Variants in ASIC2 observed in about 807,000 individuals in gnomAD.
ASIC2 encodes the protein acid-sensing ion channel 2.
In ASIC2, 25 loss-of-function variants were observed where a neutral mutation model predicts 57.3. That is an observed-to-expected ratio of 0.44 (90% CI 0.32 to 0.61). The LOEUF (loss-of-function observed/expected upper bound fraction) is 0.61, where lower values mean the gene tolerates loss of function less well. Among genes scored for constraint, ASIC2 ranks in the 20% least tolerant of loss-of-function variants. ASIC2 has a pLI of 0.06. For missense variants in ASIC2, 641 were observed against 738.1 expected (o/e 0.87, Z 1.52); for synonymous variants, 319 against 307.5 (o/e 1.04, Z -0.39).
chr17:34,111,425 T>G (rs1024281002), intron 1 of ASIC2, among the ~76,000 whole-genome samples: 45 of 151,864 alleles, frequency 3.0e-4, no homozygotes, highest in African/African-American at 1.1e-3. Context: ...TAAATTGTCC[T>G]AACCCTTTTG....
At chr17:33,913,098 C>A (rs1010093068) in intron 1 of ASIC2, among the ~76,000 whole-genome samples, 1 of 151,700 alleles carries the variant, frequency 6.6e-6, no homozygotes. Context: ...CCCTCCCCCC[C>A]GCCAATTTCT....
At chr17:33,862,946 G>A (rs1914135918) in intron 1 of ASIC2, among the ~76,000 whole-genome samples, 1 of 152,054 alleles carries the variant, frequency 6.6e-6, no homozygotes, top group African/African-American at 2.4e-5. Context: ...GGGGAGGGAG[G>A]CTATCTCAGA....
intron 1 of ASIC2, among the ~76,000 whole-genome samples, chr17:33,553,607 G>A (rs1251191556): frequency 6.6e-6 from 1 of 152,076 alleles, no homozygotes; most frequent in African/African-American, 2.4e-5. Context: ...AAGTAGCTGA[G>A]ACTGCAGGCG....
chr17:33,327,801 T>C (rs143356488), intron 1 of ASIC2, among the ~76,000 whole-genome samples: 270 of 152,300 alleles, frequency 1.8e-3, no homozygotes, highest in Non-Finnish European at 3.0e-3. Flanking sequence ...GATTTGGAAA[T>C]AGGGCCGTTG....
At chr17:33,639,565 G>A (rs1389218057) in intron 1 of ASIC2, among the ~76,000 whole-genome samples, 1 of 152,044 alleles carries the variant, frequency 6.6e-6, no homozygotes, top group Non-Finnish European at 1.5e-5. Flanking sequence ...CTGCCCCGAG[G>A]AGCTGCCTCC....
At chr17:33,766,259 T>C (rs1216359230) in intron 1 of ASIC2, among the ~76,000 whole-genome samples, 2 of 152,256 alleles carry the variant, frequency 1.3e-5, no homozygotes, top group African/African-American at 2.4e-5. Context: ...TGAGTTAAAC[T>C]TTATCATAGG....
chr17:33,532,670 A>T (rs779725546), intron 1 of ASIC2, among the ~76,000 whole-genome samples: 1 of 152,214 alleles, frequency 6.6e-6, no homozygotes, highest in Admixed American at 6.5e-5. Context: ...CGTCACTGAC[A>T]TTGGTCCTCT....
intron 1 of ASIC2, among the ~76,000 whole-genome samples, chr17:34,025,610 A>G (rs567880334): frequency 6.6e-6 from 1 of 152,334 alleles, no homozygotes; most frequent in East Asian, 1.9e-4. Context: ...TTTGCATTAA[A>G]TTTTCCTTAT....
chr17:33,664,336 T>C (rs1258457995), intron 1 of ASIC2, among the ~76,000 whole-genome samples: 1 of 152,222 alleles, frequency 6.6e-6, no homozygotes, highest in African/African-American at 2.4e-5. Flanking sequence ...GTCTGTGCTT[T>C]CCTCTCAGCA....
chr17:33,759,958 A>G (rs1910730647), intron 1 of ASIC2, among the ~76,000 whole-genome samples: 1 of 152,138 alleles, frequency 6.6e-6, no homozygotes, highest in African/African-American at 2.4e-5. Flanking sequence ...CCATGGGAAC[A>G]CACTCTCACC....
chr17:34,032,822 A>C (rs1907676345), intron 1 of ASIC2, among the ~76,000 whole-genome samples: 1 of 152,260 alleles, frequency 6.6e-6, no homozygotes, highest in Non-Finnish European at 1.5e-5. Context: ...ACTATCCTAA[A>C]TATATATGCG....
At chr17:33,337,419 A>G (rs1307962312) in intron 1 of ASIC2, among the ~76,000 whole-genome samples, 2 of 64,154 alleles carry the variant, frequency 3.1e-5, no homozygotes, top group African/African-American at 1.2e-4. Flanking sequence ...TGACAGGATG[A>G]GGATTTTAAC....
At chr17:33,527,252 T>C (rs1567639862) in intron 1 of ASIC2, among the ~76,000 whole-genome samples, 1 of 152,166 alleles carries the variant, frequency 6.6e-6, no homozygotes, top group Admixed American at 6.5e-5. Context: ...ATTTCTTACC[T>C]GAGTCTTCAA....
chr17:33,120,990 C>T (rs8065414), intron 1 of ASIC2, among the ~76,000 whole-genome samples: 1,664 of 152,298 alleles, frequency 0.011, 26 homozygotes, highest in African/African-American at 0.038. Context: ...GGTTCTTGAA[C>T]GTGCATCTCA....
chr17:33,189,330 G>T (rs1252351756), intron 1 of ASIC2, among the ~76,000 whole-genome samples: 1 of 152,066 alleles, frequency 6.6e-6, no homozygotes, highest in African/African-American at 2.4e-5. Context: ...ATGGGACAAA[G>T]AAGTCAACAA....
chr17:33,765,091 TGATG>T (rs1469965061), intron 1 of ASIC2, among the ~76,000 whole-genome samples: 1 of 152,130 alleles, frequency 6.6e-6, no homozygotes, highest in Admixed American at 6.5e-5. Context: ...CAGTGGAACT[TGATG>T]GAGCATAATT....
intron 1 of ASIC2, among the ~76,000 whole-genome samples, chr17:34,137,502 G>A (rs886948114): frequency 2.6e-5 from 4 of 152,204 alleles, no homozygotes; most frequent in African/African-American, 9.7e-5. Flanking sequence ...CAGAGAGCAG[G>A]TTGTGTGGAG....
chr17:33,838,750 A>G (rs73286802), intron 1 of ASIC2, among the ~76,000 whole-genome samples: 4,165 of 152,254 alleles, frequency 0.027, 160 homozygotes, highest in African/African-American at 0.094. Context: ...CTGAATGCCC[A>G]TTAAAATCAC....
intron 1 of ASIC2, among the ~76,000 whole-genome samples, chr17:33,933,460 A>G (rs573650500): frequency 2.0e-5 from 3 of 152,354 alleles, no homozygotes; most frequent in Admixed American, 6.5e-5. Flanking sequence ...TGCAAGGCCA[A>G]TGAGATTCAG....
Sources: allele counts gnomAD v4.1 joint callset (sites outside exome capture counted in the v4.1 genomes callset), GRCh38; gene constraint gnomAD v4.1.1; transcripts MANE v1.5; gene names NCBI Gene and HGNC (gene_info 2026-07-23, HGNC 2026-07-21).